Variants in SNX8 observed in about 807,000 individuals in gnomAD.
SNX8 encodes the protein sorting nexin-8.
Under a neutral mutation model 51.6 loss-of-function variants are expected in SNX8, and 25 were observed. The ratio of observed to expected loss-of-function variants is 0.48; its 90% CI spans 0.35 to 0.68. SNX8 has a LOEUF of 0.68. Ranked by LOEUF, SNX8 falls within the 30% of genes least tolerant of loss-of-function variation. The pLI is 0.00. For synonymous variants in SNX8, 324 were observed against 277.0 expected (o/e 1.17, Z -1.68); for missense variants, 695 against 624.0 (o/e 1.11, Z -1.21).
chr7:2,260,955 G>C (rs1389466471), intron 7 of SNX8, among the ~76,000 whole-genome samples: 1 of 152,170 alleles, frequency 6.6e-6, no homozygotes, highest in Non-Finnish European at 1.5e-5. Flanking sequence ...AAAAAACCTT[G>C]GAAATCACCT....
At position 2,293,040 on chromosome 7, in the gene SNX8, A is replaced by G. The variant is rs540155108; in HGVS notation, c.95-14735T>C. ...ATACCTAAAAATAATAAGTAAATAC[A>G]TAACAAAAGAGATAAACTGAACTTC... On this transcript the variant is annotated intron_variant, in intron 1 of 10. Coordinates refer to ENST00000222990, the MANE Select transcript of SNX8 (RefSeq NM_013321.4). 4.0e-5 allele frequency among the ~76,000 whole-genome samples: 6 copies of G among 151,704 alleles called. No homozygotes were observed. In the East Asian group the frequency reaches 1.2e-3, roughly 31 times the overall value.
At chr7:2,257,577 C>G (rs62442513) in intron 8 of SNX8, 63 bp from the exon 9 acceptor site, 5 of 1,587,816 alleles carry the variant, frequency 3.1e-6, no homozygotes, top group Admixed American at 3.4e-5. Context: ...CCTGCGGAGC[C>G]GGCCGAGGGA....
intron 2 of SNX8, 39 bp from the exon 3 acceptor site, chr7:2,275,268 A>T: frequency 7.1e-7 from 1 of 1,408,268 alleles, no homozygotes; most frequent in Non-Finnish European, 1.0e-6. Context: ...CGACGTTGGA[A>T]ACTATGCTGT....
At chr7:2,296,014 G>A (rs563763289) in intron 1 of SNX8, among the ~76,000 whole-genome samples, 8 of 152,132 alleles carry the variant, frequency 5.3e-5, no homozygotes, top group African/African-American at 1.7e-4. Context: ...CAGGTAATGC[G>A]ATCCCTCCAA....
intron 1 of SNX8, among the ~76,000 whole-genome samples, chr7:2,331,190 A>G (rs1481209619): frequency 2.7e-5 from 4 of 149,998 alleles, no homozygotes; most frequent in African/African-American, 9.8e-5. Context: ...GTCTCAAAAA[A>G]AAAAAAAAAA....
At chr7:2,326,013 T>C (rs1040032538) in intron 1 of SNX8, among the ~76,000 whole-genome samples, 4 of 152,168 alleles carry the variant, frequency 2.6e-5, no homozygotes, top group Non-Finnish European at 5.9e-5. Flanking sequence ...CTAAGAAGAC[T>C]TCCAAGCAAA....
rs190784732 is a variant in SNX8, at chr7:2,304,488, G to A, written c.94+9840C>T. 4.3e-3 allele frequency among the ~76,000 whole-genome samples: 660 copies of A among 151,948 alleles called. 2 individuals carry two copies. Among genetic ancestry groups the A allele is most frequent in the African/African-American group, 0.015 (614 of 41,424 alleles). ...GAACCCGGGAGGCGGAGCTTGCAGC[G>A]AGCGGAGATTGCCCCACTGTACTCC... On this transcript the variant is annotated intron_variant, in intron 1 of 10. Transcript: ENST00000222990.
chr7:2,273,727 C>A (rs1795705032), intron 3 of SNX8, among the ~76,000 whole-genome samples: 1 of 150,032 alleles, frequency 6.7e-6, no homozygotes. Flanking sequence ...CACGGTGAAA[C>A]CCCGTCTCTA....
intron 10 of SNX8, among the ~76,000 whole-genome samples, chr7:2,255,844 G>A (rs977853135): frequency 3.3e-5 from 5 of 152,224 alleles, no homozygotes; most frequent in Non-Finnish European, 4.4e-5. Flanking sequence ...GATGTGAGGA[G>A]GGGAGCGCGG....
At chr7:2,280,792 CT>C (rs11464982) in intron 1 of SNX8, among the ~76,000 whole-genome samples, 161 of 138,770 alleles carry the variant, frequency 1.2e-3, no homozygotes, top group South Asian at 2.0e-3. Flanking sequence ...CTAGAATGCC[CT>C]TTTTTTTTTT....
At chr7:2,309,745 T>C in intron 1 of SNX8, 1 of 441,208 alleles carries the variant, frequency 2.3e-6, no homozygotes, top group South Asian at 1.7e-5. Flanking sequence ...AAAAAAAAAG[T>C]ATAAACTTTA....
At chr7:2,334,418 C>T (rs1480536451) in intron 1 of SNX8, among the ~76,000 whole-genome samples, 1 of 148,480 alleles carries the variant, frequency 6.7e-6, no homozygotes, top group Non-Finnish European at 1.5e-5. Flanking sequence ...AAAAAAAGTG[C>T]TGGGCACAGT....
intron 5 of SNX8, among the ~76,000 whole-genome samples, chr7:2,267,863 T>C (rs1430309951): frequency 9.8e-6 from 1 of 102,384 alleles, no homozygotes; most frequent in Admixed American, 9.4e-5. Context: ...ATCTAGGAAG[T>C]GAGGAGCGCC....
At chr7:2,265,975 G>A (rs1185882375) in intron 5 of SNX8, among the ~76,000 whole-genome samples, 2 of 152,046 alleles carry the variant, frequency 1.3e-5, no homozygotes, top group Non-Finnish European at 1.5e-5. Context: ...AATCAGCCAA[G>A]TACTGTGGTG....
intron 1 of SNX8, among the ~76,000 whole-genome samples, chr7:2,287,142 A>G (rs1457772992): frequency 6.6e-6 from 1 of 151,518 alleles, no homozygotes; most frequent in African/African-American, 2.4e-5. Context: ...TGTCTCAAAA[A>G]TAATAATAAT....
chr7:2,257,344 C>A, intron 9 of SNX8, 21 bp downstream of exon 9: 1 of 1,597,398 alleles, frequency 6.3e-7, no homozygotes, highest in Non-Finnish European at 8.5e-7. Flanking sequence ...CACGGGCCTG[C>A]TCGGCCGCCC....
At chr7:2,292,601 C>T (rs1193339355) in intron 1 of SNX8, among the ~76,000 whole-genome samples, 1 of 151,936 alleles carries the variant, frequency 6.6e-6, no homozygotes, top group African/African-American at 2.4e-5. Context: ...TTAGTAGAAA[C>T]GTGGTTTCAC....
At position 2,289,671 on chromosome 7, in the gene SNX8, T is replaced by C. The variant is rs55937570; in HGVS notation, c.95-11366A>G. On this transcript the variant is annotated intron_variant, in intron 1 of 10. Transcript: ENST00000222990. The stretch of plus-strand genomic sequence containing the variant: ...TACATTCACTAGATTGCCAAGGCAA[T>C]ACTGCAGTCACTCTCTGAACATAGT... Among the ~76,000 whole-genome samples, 444 of 152,294 alleles carry C rather than the reference T, an allele frequency of 2.9e-3. 4 individuals carry two copies. The highest frequency in any genetic ancestry group is 4.5e-3 in the Non-Finnish European group (305 of 68,032).
At chr7:2,313,790 G>A (rs1796706955) in intron 1 of SNX8, among the ~76,000 whole-genome samples, 1 of 152,324 alleles carries the variant, frequency 6.6e-6, no homozygotes, top group South Asian at 2.1e-4. Flanking sequence ...GAAAGAGAGA[G>A]AAAAGCAGCT....
Sources: allele counts gnomAD v4.1 joint callset (sites outside exome capture counted in the v4.1 genomes callset), GRCh38; gene constraint gnomAD v4.1.1; transcripts MANE v1.5; gene names NCBI Gene and HGNC (gene_info 2026-07-23, HGNC 2026-07-21).